UBE3D: variants seen among roughly 807,000 people sequenced by gnomAD.
UBE3D encodes the protein ubiquitin protein ligase E3D.
In UBE3D, 48 loss-of-function variants were observed where a neutral mutation model predicts 49.6. The ratio of observed to expected loss-of-function variants is 0.97; its 90% CI spans 0.77 to 1.23. The LOEUF (loss-of-function observed/expected upper bound fraction) is 1.23, where lower values mean the gene tolerates loss of function less well. Among genes scored for constraint, UBE3D ranks in the 50% most tolerant of loss-of-function variants. UBE3D has a pLI of 0.00. For missense variants in UBE3D, 452 were observed against 468.4 expected (o/e 0.96, Z 0.32); for synonymous variants, 189 against 174.2 (o/e 1.08, Z -0.67).
intron 9 of UBE3D, among the ~76,000 whole-genome samples, chr6:82,912,243 C>T (rs565713244): frequency 2.5e-4 from 38 of 151,922 alleles, no homozygotes; most frequent in Admixed American, 1.9e-3. Flanking sequence ...TCTATGTTCA[C>T]TTTATCATTT....
At chr6:82,955,356 A>G (rs1299962322) in intron 9 of UBE3D, among the ~76,000 whole-genome samples, 1 of 152,144 alleles carries the variant, frequency 6.6e-6, no homozygotes, top group Non-Finnish European at 1.5e-5. Context: ...ATTTCCCCCA[A>G]TACGCCGTAA....
intron 8 of UBE3D, chr6:83,018,001 A>G (rs1384370265): frequency 8.5e-5 from 13 of 152,172 alleles, no homozygotes; most frequent in Admixed American, 8.5e-4. Context: ...CAGAAAAGGA[A>G]GTGGAAGAGT....
At chr6:82,907,254 A>G (rs1446533403) in intron 9 of UBE3D, among the ~76,000 whole-genome samples, 1 of 152,204 alleles carries the variant, frequency 6.6e-6, no homozygotes, top group Non-Finnish European at 1.5e-5. Flanking sequence ...GGCTGTAAGC[A>G]CTGGAAGGCT....
chr6:83,034,074 C>T (rs1250697916), intron 5 of UBE3D, among the ~76,000 whole-genome samples: 2 of 152,092 alleles, frequency 1.3e-5, no homozygotes, highest in Non-Finnish European at 2.9e-5. Flanking sequence ...TTTCTAGTGC[C>T]CTAATATGGT....
intron 1 of UBE3D, among the ~76,000 whole-genome samples, chr6:83,062,288 A>T (rs191231178): frequency 1.3e-5 from 2 of 152,342 alleles, no homozygotes; most frequent in Admixed American, 1.3e-4. Context: ...CAAAATGCTA[A>T]GATATCTTAA....
chr6:83,031,754 A>C (rs1022160867), intron 5 of UBE3D, among the ~76,000 whole-genome samples: 1 of 152,192 alleles, frequency 6.6e-6, no homozygotes. Flanking sequence ...GGAGGCCTAG[A>C]GGGAAAAAAT....
At chr6:83,021,040 C>T (rs375330122) in intron 7 of UBE3D, among the ~76,000 whole-genome samples, 1 of 152,178 alleles carries the variant, frequency 6.6e-6, no homozygotes, top group African/African-American at 2.4e-5. Flanking sequence ...ATATTAGGCT[C>T]TAGTGGTACA....
intron 8 of UBE3D, among the ~76,000 whole-genome samples, chr6:83,004,709 G>A (rs1779855208): frequency 6.6e-6 from 1 of 152,176 alleles, no homozygotes; most frequent in Non-Finnish European, 1.5e-5. Context: ...AGCATAAATT[G>A]TTTTAGCAGG....
At chr6:83,004,593 T>C (rs1779847828) in intron 8 of UBE3D, among the ~76,000 whole-genome samples, 1 of 152,170 alleles carries the variant, frequency 6.6e-6, no homozygotes, top group East Asian at 1.9e-4. Flanking sequence ...CTTGAGATTG[T>C]TTAATAATTT....
chr6:83,038,464 C>A lies in UBE3D; in HGVS notation c.619G>T (p.Val207Leu). The change falls in exon 5 of 10, where the codon GTA becomes TTA. Residue 207 changes from valine to leucine, a missense_variant. By Grantham distance (32) the Val-to-Leu change is conservative. Transcript: ENST00000369747. ...ATTACCTTGCAACGCTTACAAATTA[C>A]TTTGGTATTTGCCTTTGGTTCCTGT... ...CKLEPKANTK[V>L]ICKRCKVMLG... 1 of 1,610,942 alleles carries A rather than the reference C, an allele frequency of 6.2e-7. No homozygotes were observed. Among genetic ancestry groups the A allele is most frequent in the Non-Finnish European group, 8.5e-7 (1 of 1,179,196 alleles).
intron 8 of UBE3D, among the ~76,000 whole-genome samples, chr6:82,985,497 G>A (rs1362401028): frequency 6.6e-6 from 1 of 152,036 alleles, no homozygotes; most frequent in Non-Finnish European, 1.5e-5. Context: ...CAAGTAGCTT[G>A]GACTACAGGC....
At chr6:82,915,273 A>G (rs1211253098) in intron 9 of UBE3D, among the ~76,000 whole-genome samples, 3 of 152,202 alleles carry the variant, frequency 2.0e-5, no homozygotes, top group Non-Finnish European at 4.4e-5. Context: ...TTGAGCTATA[A>G]TATGGCAAAA....
intron 9 of UBE3D, among the ~76,000 whole-genome samples, chr6:82,915,950 A>G (rs1236166001): frequency 6.6e-6 from 1 of 152,332 alleles, no homozygotes; most frequent in East Asian, 1.9e-4. Flanking sequence ...AGAGTTCAAC[A>G]GAGCACTGGG....
At chr6:82,909,908 T>A (rs1482612165) in intron 9 of UBE3D, among the ~76,000 whole-genome samples, 2 of 152,178 alleles carry the variant, frequency 1.3e-5, no homozygotes, top group Non-Finnish European at 2.9e-5. Context: ...CTTCACTGTT[T>A]AAAATGGCAC....
chr6:82,897,532 A>C (rs994691126), intron 9 of UBE3D, among the ~76,000 whole-genome samples: 2 of 152,184 alleles, frequency 1.3e-5, no homozygotes, highest in East Asian at 3.9e-4. Flanking sequence ...CAGAGGTTGC[A>C]GTGAGCTGAG....
chr6:82,898,337 C>T (rs1771481802), intron 9 of UBE3D, among the ~76,000 whole-genome samples: 1 of 152,114 alleles, frequency 6.6e-6, no homozygotes, highest in Non-Finnish European at 1.5e-5. Context: ...GGTATATACC[C>T]AAAGGACTAT....
chr6:82,910,437 A>C (rs1324730756), intron 9 of UBE3D, among the ~76,000 whole-genome samples: 1 of 152,206 alleles, frequency 6.6e-6, no homozygotes, highest in East Asian at 1.9e-4. Context: ...AGCTGAAAAG[A>C]GACTGGGAGA....
At position 83,053,341 on chromosome 6, in the gene UBE3D, T is replaced by A. The variant is rs147638783; in HGVS notation, c.365+807A>T. On this transcript the variant is annotated intron_variant, in intron 3 of 9. Coordinates refer to ENST00000369747, the MANE Select transcript of UBE3D (RefSeq NM_198920.3). The stretch of plus-strand genomic sequence containing the variant: ...TTTCAGACAGGAAGGATCCGTTCAC[T>A]TATAAGTCTTAGGAACATGGCTCAG... 8.1e-4 allele frequency among the ~76,000 whole-genome samples: 123 copies of A among 152,318 alleles called. 3 individuals carry two copies. In the East Asian group the frequency reaches 0.023, roughly 28 times the overall value.
intron 8 of UBE3D, among the ~76,000 whole-genome samples, chr6:82,966,783 T>C (rs1013287684): frequency 3.3e-5 from 5 of 152,134 alleles, no homozygotes; most frequent in African/African-American, 1.2e-4. Context: ...GGGATACCTA[T>C]AGATCTATTC....
Sources: gnomAD v4.1 joint callset for allele counts (sites outside exome capture counted in the v4.1 genomes callset) on GRCh38, gnomAD v4.1.1 for gene constraint, MANE v1.5 for transcripts, NCBI Gene and HGNC (gene_info 2026-07-23, HGNC 2026-07-21) for gene names.